The following PLCH1 variants were observed in gnomAD, a reference collection of about 807,000 sequenced individuals.
PLCH1 encodes 1-phosphatidylinositol 4,5-bisphosphate phosphodiesterase eta-1.
In PLCH1, 60 loss-of-function variants were observed where a neutral mutation model predicts 126.7. The ratio of observed to expected loss-of-function variants is 0.47; its 90% CI spans 0.38 to 0.59. PLCH1 has a LOEUF of 0.59. Among genes scored for constraint, PLCH1 ranks in the 20% least tolerant of loss-of-function variants. The probability of loss-of-function intolerance (pLI) is 0.00; values close to 1 mark genes in which losing one functional copy is unlikely to be tolerated. For missense variants in PLCH1, 1,723 were observed against 2,040.0 expected (o/e 0.84, Z 2.99); for synonymous variants, 719 against 734.9 (o/e 0.98, Z 0.35).
intron 1 of PLCH1, among the ~76,000 whole-genome samples, chr3:155,725,253 G>A (rs549246851): frequency 9.9e-5 from 15 of 152,044 alleles, no homozygotes; most frequent in Non-Finnish European, 2.1e-4. Context: ...ACCTGAAGAT[G>A]CATATGTAAG....
intron 2 of PLCH1, among the ~76,000 whole-genome samples, chr3:155,683,448 G>A (rs1267009823): frequency 6.6e-6 from 1 of 152,132 alleles, no homozygotes; most frequent in African/African-American, 2.4e-5. Flanking sequence ...CCAAGACCTC[G>A]TGGGCAAGAT....
At chr3:155,689,545 A>T (rs1211998918) in intron 2 of PLCH1, among the ~76,000 whole-genome samples, 1 of 152,160 alleles carries the variant, frequency 6.6e-6, no homozygotes, top group African/African-American at 2.4e-5. Flanking sequence ...AACACAGAGA[A>T]GGAACTCAGA....
chr3:155,699,291 G>T (rs1746083967), intron 2 of PLCH1, among the ~76,000 whole-genome samples: 1 of 152,004 alleles, frequency 6.6e-6, no homozygotes. Flanking sequence ...TGGCCAGGCT[G>T]GTCTCAAACT....
intron 10 of PLCH1, among the ~76,000 whole-genome samples, chr3:155,543,464 G>A (rs1724705376): frequency 6.6e-6 from 1 of 152,182 alleles, no homozygotes; most frequent in Non-Finnish European, 1.5e-5. Flanking sequence ...AAAACACTCT[G>A]CAGGATATTA....
At chr3:155,588,420 C>A (rs1210851590) in intron 4 of PLCH1, among the ~76,000 whole-genome samples, 1 of 152,154 alleles carries the variant, frequency 6.6e-6, no homozygotes, top group African/African-American at 2.4e-5. Flanking sequence ...ACGCAGCACC[C>A]ACTTCGGGCT....
intron 1 of PLCH1, among the ~76,000 whole-genome samples, chr3:155,704,747 A>T (rs1365922215): frequency 1.3e-5 from 2 of 152,202 alleles, no homozygotes; most frequent in Admixed American, 1.3e-4. Context: ...CACATTAATA[A>T]AATGTGCCTC....
Position 155,566,170 on chromosome 3 carries a change from TACAC to T in PLCH1, c.866-1056_866-1053del, listed in dbSNP as rs1728391081. Among the ~76,000 whole-genome samples, 3 of 73,784 alleles carry T rather than the reference TACAC, an allele frequency of 4.1e-5. 1 individual carries two copies. The highest frequency in any genetic ancestry group is 2.9e-4 in the Admixed American group (2 of 6,884). The allele number at this position is 73,784 out of a possible 152,430, so 48.4% of individuals were successfully genotyped here. A position where few individuals can be genotyped will look rare whatever the true frequency, so the allele number is the denominator to read the frequency against. On this transcript the variant is annotated intron_variant, in intron 7 of 22. Coordinates refer to ENST00000460012, the MANE Select transcript of PLCH1 (RefSeq NM_014996.4). Reference sequence around the variant, plus strand: ...ATATACATATATACACATACATATATACACATATATACACATATATATACACATA... The same window carrying T: ...ATATACATATATACACATACATATATATATATACACATATATATACACATA...
chr3:155,735,022 A>ATTCT, intron 1 of PLCH1, among the ~76,000 whole-genome samples: 1 of 152,146 alleles, frequency 6.6e-6, no homozygotes, highest in Non-Finnish European at 1.5e-5. Flanking sequence ...ACACAGTAGC[A>ATTCT]TTCTATTCAC....
chr3:155,554,257 G>A, intron 8 of PLCH1, 61 bp from the exon 9 acceptor site: 1 of 1,511,524 alleles, frequency 6.6e-7, no homozygotes, highest in South Asian at 1.2e-5. Context: ...TAATATTTCT[G>A]GAAATACCAG....
chr3:155,588,224 T>C (rs970703226), intron 4 of PLCH1, among the ~76,000 whole-genome samples: 35 of 152,192 alleles, frequency 2.3e-4, no homozygotes, highest in African/African-American at 8.4e-4. Flanking sequence ...ACTTTTAAAA[T>C]AACTAGCCCA....
chr3:155,546,807 A>C (rs375658542), intron 10 of PLCH1, among the ~76,000 whole-genome samples: 160 of 148,816 alleles, frequency 1.1e-3, no homozygotes, highest in African/African-American at 3.6e-3. Flanking sequence ...CCTATTTAAT[A>C]AATGGTGCTG....
intron 21 of PLCH1, among the ~76,000 whole-genome samples, chr3:155,455,942 G>T (rs1390376543): frequency 1.3e-5 from 2 of 152,174 alleles, no homozygotes; most frequent in African/African-American, 4.8e-5. Flanking sequence ...CTACTAGGTG[G>T]AGAAGTGAAG....
chr3:155,561,507 C>T lies in PLCH1; in HGVS notation c.1069+3408G>A, dbSNP rs367647602. Among the ~76,000 whole-genome samples, 908 of 151,714 alleles carry T rather than the reference C, an allele frequency of 6.0e-3. 5 individuals are homozygous for T. The highest frequency in any genetic ancestry group is 0.02 in the South Asian group (98 of 4,790). On this transcript the variant is annotated intron_variant, in intron 8 of 22. Transcript: ENST00000460012. ...CATAGTATTCCATGGTGTATATGTG[C>T]CACATTTTCTTAATCCAGTCTATCA...
chr3:155,625,467 T>C (rs2108788445), intron 2 of PLCH1, among the ~76,000 whole-genome samples: 1 of 152,032 alleles, frequency 6.6e-6, no homozygotes, highest in Non-Finnish European at 1.5e-5. Flanking sequence ...ACCTAAAGAA[T>C]GAGAGAAAAT....
intron 12 of PLCH1, 74 bp from the exon 13 acceptor site, chr3:155,504,700 G>T: frequency 1.0e-6 from 1 of 975,668 alleles, no homozygotes; most frequent in Non-Finnish European, 1.6e-6. Context: ...TGGTGGAATA[G>T]CAAGGGGGCC....
intron 2 of PLCH1, among the ~76,000 whole-genome samples, chr3:155,614,106 CT>C (rs1462005637): frequency 6.6e-6 from 1 of 152,100 alleles, no homozygotes; most frequent in Non-Finnish European, 1.5e-5. Flanking sequence ...TGAAAGATCT[CT>C]ACAAGAAAAA....
chr3:155,601,018 A>T (rs13321123), intron 2 of PLCH1, among the ~76,000 whole-genome samples: 30,401 of 152,196 alleles, frequency 0.2, 3,988 homozygotes, highest in African/African-American at 0.37. Flanking sequence ...TCTGTAGCCC[A>T]GGCTGGAGTG....
At chr3:155,493,678 G>A (rs1240349071) in intron 17 of PLCH1, among the ~76,000 whole-genome samples, 1 of 152,168 alleles carries the variant, frequency 6.6e-6, no homozygotes, top group Non-Finnish European at 1.5e-5. Context: ...CAGCCCCCAT[G>A]CCCAGCCTAT....
At chr3:155,569,419 C>T (rs961889790) in intron 6 of PLCH1, among the ~76,000 whole-genome samples, 2 of 152,104 alleles carry the variant, frequency 1.3e-5, no homozygotes, top group Non-Finnish European at 2.9e-5. Context: ...TGCTGTATGG[C>T]TGTTTTTTGT....
Sources: gnomAD v4.1 joint callset for allele counts (sites outside exome capture counted in the v4.1 genomes callset) on GRCh38, gnomAD v4.1.1 for gene constraint, MANE v1.5 for transcripts, NCBI Gene and HGNC (gene_info 2026-07-23, HGNC 2026-07-21) for gene names.